The following CASK variants were observed in gnomAD, a reference collection of about 807,000 sequenced individuals.
CASK encodes the protein peripheral plasma membrane protein CASK.
A neutral mutation model predicts 82.9 loss-of-function variants in CASK; 4 were observed. The ratio of observed to expected loss-of-function variants is 0.05; its 90% CI spans 0.02 to 0.11. The LOEUF is 0.11. CASK is among the 10% of genes least tolerant of loss of function. CASK has a pLI of 1.00. For missense variants in CASK, 358 were observed against 720.9 expected (o/e 0.50, Z 5.76); for synonymous variants, 259 against 253.5 (o/e 1.02, Z -0.20).
chrX:41,886,281 T>C (rs2072046278), intron 1 of CASK, among the ~76,000 whole-genome samples: 1 of 112,023 alleles, frequency 8.9e-6, no homozygotes, highest in South Asian at 3.7e-4. Flanking sequence ...AAACAGCTGC[T>C]ACCATACATG....
chrX:41,687,951 G>A (rs1252561023), intron 5 of CASK, among the ~76,000 whole-genome samples: 1 of 90,293 alleles, frequency 1.1e-5, no homozygotes, highest in African/African-American at 4.3e-5. Context: ...GGCAACAAGA[G>A]CGAAACTCCG....
At chrX:41,773,926 C>A (rs2069298933) in intron 3 of CASK, among the ~76,000 whole-genome samples, 1 of 111,517 alleles carries the variant, frequency 9.0e-6, no homozygotes, top group Admixed American at 9.5e-5. Flanking sequence ...TGTAGACTTT[C>A]TAGACACTGT....
At chrX:41,875,356 G>A (rs1601930306) in intron 1 of CASK, among the ~76,000 whole-genome samples, 1 of 111,760 alleles carries the variant, frequency 8.9e-6, no homozygotes, top group East Asian at 2.8e-4. Context: ...CTCAGATGCT[G>A]TAGAGCATTT....
chrX:41,550,599 G>A (rs2065082926), intron 21 of CASK, among the ~76,000 whole-genome samples: 1 of 109,727 alleles, frequency 9.1e-6, no homozygotes, highest in Non-Finnish European at 1.9e-5. Context: ...GCTTATTATT[G>A]ATTTTTAAAA....
chrX:41,892,015 C>T, intron 1 of CASK, among the ~76,000 whole-genome samples: 1 of 110,379 alleles, frequency 9.1e-6, no homozygotes, highest in Non-Finnish European at 1.9e-5. Flanking sequence ...CATGGTGAGA[C>T]CCCATCTCTA....
intron 1 of CASK, among the ~76,000 whole-genome samples, chrX:41,907,007 A>G (rs1315025300): frequency 1.8e-5 from 2 of 112,677 alleles, no homozygotes; most frequent in African/African-American, 3.2e-5. Context: ...CCCTCTTCTC[A>G]TTGTTCCTCA....
intron 5 of CASK, among the ~76,000 whole-genome samples, chrX:41,717,337 C>T (rs758722587): frequency 8.9e-6 from 1 of 112,054 alleles, no homozygotes; most frequent in East Asian, 2.8e-4. Context: ...TTTGTGGCAC[C>T]GAAAATTTAT....
intron 3 of CASK, among the ~76,000 whole-genome samples, chrX:41,746,828 G>A (rs1466582021): frequency 9.0e-6 from 1 of 111,319 alleles, no homozygotes; most frequent in Non-Finnish European, 1.9e-5. Flanking sequence ...CACCCCATGA[G>A]GTCAGCATCA....
At chrX:41,828,153 A>G (rs1569461290) in intron 2 of CASK, among the ~76,000 whole-genome samples, 1 of 111,960 alleles carries the variant, frequency 8.9e-6, no homozygotes, top group Non-Finnish European at 1.9e-5. Flanking sequence ...TACAGGACAG[A>G]TTTGGAATGT....
chrX:41,583,289 G>GA (rs982441637), intron 14 of CASK, among the ~76,000 whole-genome samples: 5 of 110,538 alleles, frequency 4.5e-5, no homozygotes, highest in African/African-American at 1.3e-4. Flanking sequence ...TGATTTTGAT[G>GA]AAAAAAAAGG....
At chrX:41,888,303 T>G (rs1029465817) in intron 1 of CASK, among the ~76,000 whole-genome samples, 1 of 111,410 alleles carries the variant, frequency 9.0e-6, no homozygotes, top group Non-Finnish European at 1.9e-5. Context: ...ATCTCCCATA[T>G]TGGTTGGTTG....
chrX:41,671,415 A>G lies in CASK; in HGVS notation c.532+13T>C, dbSNP rs747454453. The G allele has an allele frequency of 6.2e-6, 6 of 971,446 alleles. No individual in the cohort carries two copies. Among genetic ancestry groups the G allele is most frequent in the Non-Finnish European group, 7.3e-6 (5 of 683,357 alleles). 80.1% of individuals were successfully genotyped at this position (971,446 alleles called of 1,213,427 possible). On this transcript the variant is annotated intron_variant, in intron 6 of 26. Coordinates refer to ENST00000378163, the MANE Select transcript of CASK (RefSeq NM_001367721.1). ...AGGTTTTGAAGAATTTTTTTTTTTT[A>G]AAGCAGTCTTACCTCCAGCTACAAG... is the stretch of plus-strand genomic sequence containing the variant.
intron 2 of CASK, among the ~76,000 whole-genome samples, chrX:41,801,578 C>G (rs972828011): frequency 9.0e-6 from 1 of 111,691 alleles, no homozygotes. Flanking sequence ...GTAAGAAGCA[C>G]GCTGATATGC....
chrX:41,884,954 G>A (rs1270924060), intron 1 of CASK, among the ~76,000 whole-genome samples: 1 of 111,956 alleles, frequency 8.9e-6, no homozygotes, highest in African/African-American at 3.2e-5. Flanking sequence ...ACTATTATTT[G>A]GGTTTTCTGT....
At chrX:41,548,232 C>T (rs2065050048) in intron 21 of CASK, among the ~76,000 whole-genome samples, 1 of 111,383 alleles carries the variant, frequency 9.0e-6, no homozygotes, top group Admixed American at 9.6e-5. Flanking sequence ...GATTGGTTTT[C>T]AAATGCTGAA....
At chrX:41,786,400 T>C (rs1371821575) in intron 3 of CASK, among the ~76,000 whole-genome samples, 1 of 109,452 alleles carries the variant, frequency 9.1e-6, no homozygotes, top group East Asian at 2.8e-4. Context: ...CCTTTTTTTT[T>C]TTTTTTTAGA....
rs190922954 is a variant in CASK, at chrX:41,738,976, T to A, written c.429+408A>T. 2.7e-5 allele frequency among the ~76,000 whole-genome samples: 3 copies of A among 112,388 alleles called. No homozygotes were observed. In the East Asian group the frequency reaches 8.3e-4, roughly 31 times the overall value. Reference sequence around the variant, plus strand: ...TATTTAAAAACTATCTGCAAAAAAATACAATGCTGACTATTCTGCATTGCA... The same window carrying A: ...TATTTAAAAACTATCTGCAAAAAAAAACAATGCTGACTATTCTGCATTGCA... On this transcript the variant is annotated intron_variant, in intron 5 of 26. Coordinates refer to ENST00000378163, the MANE Select transcript of CASK (RefSeq NM_001367721.1).
At chrX:41,746,463 A>G (rs1296957817) in intron 3 of CASK, among the ~76,000 whole-genome samples, 1 of 110,885 alleles carries the variant, frequency 9.0e-6, no homozygotes, top group Non-Finnish European at 1.9e-5. Flanking sequence ...TTTTCATTCT[A>G]TAACAACTCT....
chrX:41,596,361 C>T (rs1031501887), intron 12 of CASK, among the ~76,000 whole-genome samples: 2 of 112,254 alleles, frequency 1.8e-5, no homozygotes, highest in Non-Finnish European at 3.8e-5. Flanking sequence ...GGCTGTGTTC[C>T]AATAAAACTT....
Sources: allele counts gnomAD v4.1 joint callset (sites outside exome capture counted in the v4.1 genomes callset), GRCh38; gene constraint gnomAD v4.1.1; transcripts MANE v1.5; gene names NCBI Gene and HGNC (gene_info 2026-07-23, HGNC 2026-07-21).